Variants in MAF observed in about 807,000 individuals in gnomAD.
MAF encodes the protein transcription factor Maf.
MAF carries 10 observed loss-of-function variants against 22.0 expected under a neutral mutation model. That is an observed-to-expected ratio of 0.45 (90% CI 0.28 to 0.77). The LOEUF is 0.77. Ranked by LOEUF, MAF falls within the 30% of genes least tolerant of loss-of-function variation. The probability of loss-of-function intolerance (pLI) is 0.12; values close to 1 mark genes in which losing one functional copy is unlikely to be tolerated. For synonymous variants in MAF, 337 were observed against 255.8 expected (o/e 1.32, Z -3.03); for missense variants, 544 against 548.4 (o/e 0.99, Z 0.08).
the MAF span, among the ~76,000 whole-genome samples, chr16:79,397,330 T>C: frequency 6.6e-6 from 1 of 152,232 alleles, no homozygotes; most frequent in Non-Finnish European, 1.5e-5. Context: ...AGATTAATGC[T>C]GCTTTGTTCT....
At chr16:79,495,645 C>T in the MAF span, among the ~76,000 whole-genome samples, 1 of 152,146 alleles carries the variant, frequency 6.6e-6, no homozygotes, top group Non-Finnish European at 1.5e-5. Flanking sequence ...ATTCTGCCTG[C>T]CGCGACTGTT....
the MAF span, among the ~76,000 whole-genome samples, chr16:79,256,621 A>G: frequency 2.0e-5 from 3 of 152,194 alleles, no homozygotes; most frequent in Admixed American, 2.0e-4. Context: ...AACCATGGAC[A>G]TAGATCTTTG....
chr16:79,421,143 A>G, the MAF span, among the ~76,000 whole-genome samples: 2 of 152,200 alleles, frequency 1.3e-5, no homozygotes, highest in Admixed American at 1.3e-4. Flanking sequence ...TAATTTGCAA[A>G]TTAAACTTTA....
chr16:79,465,403 G>A, the MAF span, among the ~76,000 whole-genome samples: 3 of 152,218 alleles, frequency 2.0e-5, no homozygotes, highest in South Asian at 6.2e-4. Flanking sequence ...GACAAGACTG[G>A]GCAACATGGC....
At chr16:79,593,399 C>T (rs143408141), downstream of MAF, among the ~76,000 whole-genome samples, 1 of 152,168 alleles carries the variant, frequency 6.6e-6, no homozygotes, top group East Asian at 1.9e-4. Context: ...CTTCTGTCCA[C>T]TGCTTTTAGC....
the MAF span, among the ~76,000 whole-genome samples, chr16:79,251,316 C>T: frequency 3.8e-5 from 5 of 131,708 alleles, no homozygotes; most frequent in Admixed American, 7.8e-5. Flanking sequence ...AAGTCTTTAT[C>T]TTTTTTTTTT....
the MAF span, among the ~76,000 whole-genome samples, chr16:79,574,052 G>A: frequency 2.0e-5 from 3 of 152,220 alleles, no homozygotes; most frequent in South Asian, 2.1e-4. Flanking sequence ...ACAGGGCTGT[G>A]TTGGACACAA....
the MAF span, among the ~76,000 whole-genome samples, chr16:79,350,519 G>C: frequency 6.6e-6 from 1 of 152,132 alleles, no homozygotes; most frequent in South Asian, 2.1e-4. Flanking sequence ...AGCCCCCTTT[G>C]CAGTTAAACG....
chr16:79,566,409 G>T, the MAF span, among the ~76,000 whole-genome samples: 3 of 152,212 alleles, frequency 2.0e-5, no homozygotes, highest in Non-Finnish European at 4.4e-5. Flanking sequence ...AAGACCCCCA[G>T]TCCTCCCTGT....
chr16:79,457,389 G>GTTTT, the MAF span, among the ~76,000 whole-genome samples: 5 of 140,470 alleles, frequency 3.6e-5, no homozygotes, highest in Non-Finnish European at 6.1e-5. Context: ...TAGCACTTTG[G>GTTTT]TTTTTTTTTT....
At chr16:79,403,315 G>C in the MAF span, among the ~76,000 whole-genome samples, 1 of 152,216 alleles carries the variant, frequency 6.6e-6, no homozygotes, top group Non-Finnish European at 1.5e-5. Flanking sequence ...CTCAGTGTAT[G>C]CTGAGCAAAT....
the MAF span, among the ~76,000 whole-genome samples, chr16:79,577,166 G>T: frequency 6.6e-6 from 1 of 152,142 alleles, no homozygotes; most frequent in African/African-American, 2.4e-5. Context: ...AGGGGTCTTG[G>T]ATCAAGACCA....
chr16:79,598,708 T>C (rs1913751279), intron 1 of MAF, 77 bp downstream of exon 1: 4 of 1,596,706 alleles, frequency 2.5e-6, no homozygotes, highest in Admixed American at 1.7e-5. Context: ...GCTCTAGAAC[T>C]AGCAAGCCCA....
At chr16:79,356,659 G>A in the MAF span, among the ~76,000 whole-genome samples, 1 of 152,134 alleles carries the variant, frequency 6.6e-6, no homozygotes, top group African/African-American at 2.4e-5. Context: ...TGTTGCTGCT[G>A]CCTGAAACAC....
chr16:79,333,362 G>A, the MAF span, among the ~76,000 whole-genome samples: 1 of 152,142 alleles, frequency 6.6e-6, no homozygotes, highest in Non-Finnish European at 1.5e-5. Context: ...GAAGTAGTCA[G>A]GAGATTATAG....
chr16:79,205,113 A>G, the MAF span: 1 of 152,226 alleles, frequency 6.6e-6, no homozygotes, highest in Non-Finnish European at 1.5e-5. Flanking sequence ...CTCTCTGAAC[A>G]GAAGCCTGTG....
At chr16:79,247,576 C>A in the MAF span, among the ~76,000 whole-genome samples, 9 of 152,242 alleles carry the variant, frequency 5.9e-5, no homozygotes, top group East Asian at 1.5e-3. Context: ...AAACACTCTG[C>A]GCAAACATTT....
At chr16:79,323,017 G>A in the MAF span, among the ~76,000 whole-genome samples, 2 of 151,582 alleles carry the variant, frequency 1.3e-5, no homozygotes, top group African/African-American at 2.4e-5. Flanking sequence ...AGGCTTGGTG[G>A]CAAGCGCCTG....
chr16:79,249,081 A>G, the MAF span, among the ~76,000 whole-genome samples: 1 of 152,158 alleles, frequency 6.6e-6, no homozygotes, highest in Non-Finnish European at 1.5e-5. Flanking sequence ...GGGAAGTGGT[A>G]AGGTTATGAG....
Sources: gnomAD v4.1 joint callset for allele counts (sites outside exome capture counted in the v4.1 genomes callset) on GRCh38, gnomAD v4.1.1 for gene constraint, MANE v1.5 for transcripts, NCBI Gene and HGNC (gene_info 2026-07-23, HGNC 2026-07-21) for gene names.